Variants in OSBPL9 observed in about 807,000 individuals in gnomAD.
The protein encoded by OSBPL9 is oxysterol-binding protein-related protein 9.
Under a neutral mutation model 106.6 loss-of-function variants are expected in OSBPL9, and 40 were observed. That is an observed-to-expected ratio of 0.38 (90% confidence interval 0.29 to 0.49). The LOEUF is 0.49. Among genes scored for constraint, OSBPL9 ranks in the 20% least tolerant of loss-of-function variants. The pLI, the probability that OSBPL9 is intolerant of heterozygous loss-of-function variation, is 0.97. For synonymous variants in OSBPL9, 269 were observed against 295.4 expected (o/e 0.91, Z 0.92); for missense variants, 609 against 887.2 (o/e 0.69, Z 3.98).
Position 51,787,356 on chromosome 1 carries a change from T to C in OSBPL9, c.2004T>C (p.Leu668=). Residue 668 remains leucine (L), a synonymous_variant, in exon 23 of 24, where the codon CTT becomes CTC. Transcript: ENST00000428468. The part of the protein sequence containing the change: ...EDQNEYESRS[L]WKDVTFNLKI... The stretch of plus-strand genomic sequence containing the variant: ...TCCTCTTACCTCTTTGTTTTAGCCT[T>C]TGGAAGGATGTCACTTTCAACTTAA... 1 of 1,613,786 alleles carries C rather than the reference T, an allele frequency of 6.2e-7. No homozygotes were observed. The highest frequency in any genetic ancestry group is 1.3e-5 in the African/African-American group (1 of 74,994).
At chr1:51,681,412 G>A (rs570497859) in intron 3 of OSBPL9, among the ~76,000 whole-genome samples, 5 of 151,928 alleles carry the variant, frequency 3.3e-5, no homozygotes, top group Admixed American at 6.6e-5. Context: ...GAACATATAG[G>A]CAACGGACCA....
Position 51,782,785 on chromosome 1 carries a change from T to C in OSBPL9, c.1513+142T>C. 6.2e-6 allele frequency: 4 copies of C among 649,442 alleles called. No individual in the cohort carries two copies. The South Asian group carries it at 1.0e-4, about 17-fold the overall frequency. 40.2% of individuals were successfully genotyped at this position (649,442 alleles called of 1,614,324 possible). ...TATTCCCTGAAGTGGAAACTCAAGTTGATTTGTTCCTCATATCTTTTCCTT... is the reference window on the plus strand; with the variant it reads ...TATTCCCTGAAGTGGAAACTCAAGTCGATTTGTTCCTCATATCTTTTCCTT... On this transcript the variant is annotated intron_variant, in intron 17 of 23. Coordinates refer to ENST00000428468, the MANE Select transcript of OSBPL9 (RefSeq NM_024586.6).
chr1:51,583,907 T>G (rs1645234347), intron 1 of OSBPL9, among the ~76,000 whole-genome samples: 1 of 152,194 alleles, frequency 6.6e-6, no homozygotes, highest in African/African-American at 2.4e-5. Flanking sequence ...AGTCCCTCGT[T>G]TGAATTCCAG....
Position 51,604,651 on chromosome 1 carries a change from A to C in OSBPL9, c.-353+6458A>C, listed in dbSNP as rs150642625. On this transcript the variant is annotated intron_variant, in intron 2 of 25. Coordinates refer to the OSBPL9 transcript ENST00000371714. ...TTGAAGACCAAATATGGCTAGCTTC[A>C]TGGTTTCTTTGTTTGTTTTTGAGAT... Among the ~76,000 whole-genome samples, 819 of 152,050 alleles carry C rather than the reference A, an allele frequency of 5.4e-3. 3 individuals carry two copies. Among genetic ancestry groups the C allele is most frequent in the African/African-American group, 0.019 (782 of 41,514 alleles).
rs1676331979 is a variant in OSBPL9 at position 51,781,321 on chromosome 1, A to G, written c.1414A>G (p.Thr472Ala). The stretch of plus-strand genomic sequence containing the variant: ...GTGTCATTGGACATTACCAAATGAT[A>G]CTGAAGAGAACACAGTGAGTTCTGC... ...FQCHWTLPND[T>A]EENTELVSEG... Residue 472 changes from threonine to alanine, a missense_variant, in exon 16 of 24, where the codon ACT becomes GCT. This residue lies in a region of OSBPL9 where 356 missense variants were observed against 505.8 expected (regional missense o/e 0.70). Coordinates refer to ENST00000428468, the MANE Select transcript of OSBPL9 (RefSeq NM_024586.6). 1 of 1,614,142 alleles carries G rather than the reference A, an allele frequency of 6.2e-7. No individual in the cohort carries two copies. The highest frequency in any genetic ancestry group is 8.5e-7 in the Non-Finnish European group (1 of 1,179,964).
At chr1:51,764,494 C>T (rs1405888205) in intron 11 of OSBPL9, among the ~76,000 whole-genome samples, 1 of 151,614 alleles carries the variant, frequency 6.6e-6, no homozygotes, top group Non-Finnish European at 1.5e-5. Flanking sequence ...AATATGATGA[C>T]TAAATGTGGC....
chr1:51,655,617 G>A (rs1400619984), intron 2 of OSBPL9, among the ~76,000 whole-genome samples: 1 of 152,136 alleles, frequency 6.6e-6, no homozygotes, highest in Non-Finnish European at 1.5e-5. Context: ...CATACTCAAA[G>A]GGGAGGAGAT....
At chr1:51,724,080 G>A (rs1257046780) in intron 4 of OSBPL9, among the ~76,000 whole-genome samples, 1 of 152,024 alleles carries the variant, frequency 6.6e-6, no homozygotes, top group Admixed American at 6.5e-5. Flanking sequence ...CCAAGTAGCT[G>A]GGATTACAGG....
At chr1:51,596,660 A>G (rs1225106566) in intron 1 of OSBPL9, among the ~76,000 whole-genome samples, 1 of 151,982 alleles carries the variant, frequency 6.6e-6, no homozygotes, top group East Asian at 1.9e-4. Context: ...TGTGCCTGTA[A>G]TCCCAGCTAT....
At chr1:51,739,969 G>T (rs1420795382) in intron 4 of OSBPL9, among the ~76,000 whole-genome samples, 2 of 151,828 alleles carry the variant, frequency 1.3e-5, no homozygotes, top group African/African-American at 4.8e-5. Context: ...TCTAAGAAAG[G>T]CCATTATGTT....
upstream of OSBPL9, among the ~76,000 whole-genome samples, chr1:51,613,845 A>G (rs1644006234): frequency 6.6e-6 from 1 of 151,650 alleles, no homozygotes; most frequent in African/African-American, 2.4e-5. Flanking sequence ...GGGCTCAAGC[A>G]ATCCCCCTGC....
At chr1:51,733,356 A>T (rs1044047343) in intron 4 of OSBPL9, among the ~76,000 whole-genome samples, 8 of 152,126 alleles carry the variant, frequency 5.3e-5, no homozygotes, top group African/African-American at 1.9e-4. Context: ...TAAACCTTTG[A>T]CTCAGTTTTA....
the OSBPL9 span, among the ~76,000 whole-genome samples, chr1:51,541,130 C>CA: frequency 2.0e-5 from 3 of 151,102 alleles, no homozygotes; most frequent in Non-Finnish European, 1.5e-5. Flanking sequence ...GACTCTGTCT[C>CA]AAAAAAAAAT....
intron 1 of OSBPL9, among the ~76,000 whole-genome samples, chr1:51,587,640 C>T (rs1645253130): frequency 6.6e-6 from 1 of 152,202 alleles, no homozygotes; most frequent in Non-Finnish European, 1.5e-5. Context: ...AGGTGGAGAT[C>T]CATCAACTTG....
intron 21 of OSBPL9, 50 bp downstream of exon 21, chr1:51,785,936 C>T: frequency 6.8e-7 from 1 of 1,462,720 alleles, no homozygotes; most frequent in Non-Finnish European, 9.5e-7. Flanking sequence ...AGATTGTACT[C>T]TATCCCTTTT....
rs988282523 is a variant in OSBPL9, at chr1:51,729,807, T to G, written c.318+15728T>G. The G allele has an allele frequency of 5.1e-5, 53 of 1,041,786 alleles. No homozygotes were observed. The highest frequency in any genetic ancestry group is 4.4e-4 in the South Asian group (8 of 18,326). The allele number at this position is 1,041,786 out of a possible 1,614,324, so 64.5% of individuals were successfully genotyped here. ...CGCCGGGGAGGGGACGGGAAAGGGG[T>G]GGGGGGTGAAGGGGGTGAAGGGGGT... On this transcript the variant is annotated intron_variant, in intron 4 of 23. Transcript: ENST00000428468. The surrounding 1 kb of genome is among the most constrained non-coding windows in gnomAD (Gnocchi z 5.1).
intron 4 of OSBPL9, among the ~76,000 whole-genome samples, chr1:51,727,052 T>C (rs1414793089): frequency 6.6e-6 from 1 of 152,098 alleles, no homozygotes; most frequent in East Asian, 1.9e-4. Context: ...TAATATGTAA[T>C]TGTAACATAG....
At chr1:51,573,729 G>A (rs1006787486), upstream of OSBPL9, among the ~76,000 whole-genome samples, 3 of 148,412 alleles carry the variant, frequency 2.0e-5, no homozygotes, top group African/African-American at 5.0e-5. Flanking sequence ...CAGGAGAATC[G>A]CTTGAACCCG....
At position 51,788,842 on chromosome 1, in the gene OSBPL9, C is replaced by CTATCTA. The variant is rs761445617; in HGVS notation, c.*1055_*1060dup. Among the ~76,000 whole-genome samples, 1 of 110,048 alleles carries CTATCTA rather than the reference C, an allele frequency of 9.1e-6. No homozygotes were observed. Among genetic ancestry groups the CTATCTA allele is most frequent in the African/African-American group, 3.8e-5 (1 of 26,144 alleles). The allele number at this position is 110,048 out of a possible 152,430, so 72.2% of individuals were successfully genotyped here. A position where few individuals can be genotyped will look rare whatever the true frequency, so the allele number is the denominator to read the frequency against. ...TCTGAAGGGAAATACAGAACTATAT[C>CTATCTA]TATCTATCTATCTATCATCTTTTTT... On this transcript the variant is annotated 3_prime_UTR_variant, in exon 24 of 24. Transcript: ENST00000428468.
Sources: gnomAD v4.1 joint callset for allele counts (sites outside exome capture counted in the v4.1 genomes callset) on GRCh38, gnomAD v4.1.1 for gene constraint, gnomAD v4.1.1 regional missense constraint, Gnocchi (gnomAD v3.1) non-coding constraint, MANE v1.5 for transcripts, NCBI Gene and HGNC (gene_info 2026-07-23, HGNC 2026-07-21) for gene names.